EPM2A: variants seen among roughly 807,000 people sequenced by gnomAD.
The protein encoded by EPM2A is laforin.
EPM2A carries 21 observed loss-of-function variants against 26.5 expected under a neutral mutation model. The ratio of observed to expected loss-of-function variants is 0.79; its 90% CI spans 0.56 to 1.14. The LOEUF (loss-of-function observed/expected upper bound fraction) is 1.14, where lower values mean the gene tolerates loss of function less well. Among genes scored for constraint, EPM2A ranks in the 50% most tolerant of loss-of-function variants. EPM2A has a pLI of 0.00. For synonymous variants in EPM2A, 217 were observed against 177.6 expected (o/e 1.22, Z -1.76); for missense variants, 458 against 440.8 (o/e 1.04, Z -0.35).
intron 4 of EPM2A, among the ~76,000 whole-genome samples, chr6:145,438,098 C>T (rs1325867545): frequency 2.0e-5 from 3 of 151,860 alleles, no homozygotes; most frequent in South Asian, 2.1e-4. Context: ...TGTGTGCACA[C>T]GTGTGTGTGT....
intron 1 of EPM2A, among the ~76,000 whole-genome samples, chr6:145,694,520 C>T (rs925812521): frequency 6.6e-6 from 1 of 151,886 alleles, no homozygotes. Flanking sequence ...GTCTTAGATA[C>T]AGCTAAACTG....
At chr6:145,565,016 A>G (rs1341792484) in intron 2 of EPM2A, among the ~76,000 whole-genome samples, 1 of 152,156 alleles carries the variant, frequency 6.6e-6, no homozygotes, top group African/African-American at 2.4e-5. Flanking sequence ...TAAAGACAGC[A>G]TTAGAGCACC....
chr6:145,680,972 C>G (rs1236783818), intron 2 of EPM2A, among the ~76,000 whole-genome samples: 1 of 151,580 alleles, frequency 6.6e-6, no homozygotes, highest in South Asian at 2.1e-4. Context: ...GCCACACTGA[C>G]TTCCACAAGG....
At chr6:145,448,870 CTTA>C (rs1779157265) in intron 4 of EPM2A, among the ~76,000 whole-genome samples, 1 of 150,764 alleles carries the variant, frequency 6.6e-6, no homozygotes, top group Admixed American at 6.7e-5. Context: ...AAAACATTCT[CTTA>C]GTTGTTTAAC....
At chr6:145,641,307 A>G (rs1777068783) in intron 2 of EPM2A, 1 of 152,190 alleles carries the variant, frequency 6.6e-6, no homozygotes, top group Admixed American at 6.5e-5. Flanking sequence ...CACTGACCCA[A>G]AATGACTAGT....
chr6:145,397,018 A>G lies in EPM2A; in HGVS notation c.556-12921T>C, dbSNP rs1433166515. On this transcript the variant is annotated intron_variant, in intron 4 of 4. Coordinates refer to the EPM2A transcript ENST00000638717. ...GCTAGTTGAGCAGACTGATGAAATCATTAAAAACCATCTGGCAAAAATCAC... is the reference window on the plus strand; with the variant it reads ...GCTAGTTGAGCAGACTGATGAAATCGTTAAAAACCATCTGGCAAAAATCAC... 3.9e-5 allele frequency among the ~76,000 whole-genome samples: 6 copies of G among 152,328 alleles called. No individual in the cohort carries two copies. In the South Asian group the frequency reaches 1.2e-3, roughly 32 times the overall value.
chr6:145,648,412 C>T lies in EPM2A; in HGVS notation c.477-12926G>A, dbSNP rs1347429961. Among the ~76,000 whole-genome samples, 4 of 152,194 alleles carry T rather than the reference C, an allele frequency of 2.6e-5. No individual in the cohort carries two copies. In the East Asian group the frequency reaches 5.8e-4, roughly 22 times the overall value. ...TATTACAGCCACCCATACAATTCAT[C>T]TGCAATAAAGTTTCATTCATGCTTG... On this transcript the variant is annotated intron_variant, in intron 2 of 3. Transcript: ENST00000367519.
At chr6:145,476,186 C>T (rs1010113429) in intron 4 of EPM2A, among the ~76,000 whole-genome samples, 1 of 151,992 alleles carries the variant, frequency 6.6e-6, no homozygotes, top group African/African-American at 2.4e-5. Flanking sequence ...GTAGACAAAG[C>T]AGTTGACTAC....
chr6:145,401,463 G>C (rs1291546049), intron 4 of EPM2A, among the ~76,000 whole-genome samples: 1 of 152,068 alleles, frequency 6.6e-6, no homozygotes, highest in African/African-American at 2.4e-5. Flanking sequence ...TGCTCAGAAT[G>C]TATTTGAATT....
At chr6:145,476,062 T>C (rs1293696332) in intron 4 of EPM2A, among the ~76,000 whole-genome samples, 3 of 151,622 alleles carry the variant, frequency 2.0e-5, no homozygotes, top group Non-Finnish European at 4.4e-5. Context: ...AGACTGAAAA[T>C]AAAGGGATGG....
chr6:145,703,842 T>C (rs1380841773), intron 1 of EPM2A, among the ~76,000 whole-genome samples: 1 of 152,254 alleles, frequency 6.6e-6, no homozygotes, highest in Non-Finnish European at 1.5e-5. Flanking sequence ...TTAACTGATA[T>C]GAAACCATGA....
chr6:145,434,870 C>T (rs1333047668), intron 4 of EPM2A, among the ~76,000 whole-genome samples: 1 of 152,076 alleles, frequency 6.6e-6, no homozygotes. Context: ...GGAGGTGGGG[C>T]CTGGTGGGAG....
chr6:145,573,914 C>A (rs918747961), intron 2 of EPM2A, among the ~76,000 whole-genome samples: 2 of 152,160 alleles, frequency 1.3e-5, no homozygotes, highest in East Asian at 1.9e-4. Flanking sequence ...TGTTTTGGAT[C>A]CCCTGGAATC....
At chr6:145,417,004 G>A (rs1035640090) in intron 4 of EPM2A, among the ~76,000 whole-genome samples, 1 of 152,146 alleles carries the variant, frequency 6.6e-6, no homozygotes, top group Non-Finnish European at 1.5e-5. Flanking sequence ...TTGAGGAATT[G>A]AATCTCTTCC....
Position 145,549,321 on chromosome 6 carries a change from T to C in EPM2A, c.341-46746A>G, listed in dbSNP as rs184703588. Among the ~76,000 whole-genome samples, 293 of 152,290 alleles carry C rather than the reference T, an allele frequency of 1.9e-3. 1 individual carries two copies. Among genetic ancestry groups the C allele is most frequent in the African/African-American group, 6.1e-3 (254 of 41,584 alleles). On this transcript the variant is annotated intron_variant, in intron 2 of 3. Transcript: ENST00000450221. Reference sequence around the variant, plus strand: ...TTGAAATTTATAAGCCTACTTATCATTGTTAAAAAGTATAAAGCAATATAA... The same window carrying C: ...TTGAAATTTATAAGCCTACTTATCACTGTTAAAAAGTATAAAGCAATATAA...
At chr6:145,574,469 C>A (rs1435765368) in intron 2 of EPM2A, among the ~76,000 whole-genome samples, 1 of 152,234 alleles carries the variant, frequency 6.6e-6, no homozygotes, top group African/African-American at 2.4e-5. Context: ...AGTTGAGTGA[C>A]TGTGGTTCCC....
chr6:145,642,666 G>A (rs1777172187), intron 2 of EPM2A, among the ~76,000 whole-genome samples: 2 of 152,164 alleles, frequency 1.3e-5, no homozygotes, highest in Non-Finnish European at 2.9e-5. Flanking sequence ...AGATAAGACA[G>A]GAAGGTGCTC....
intron 2 of EPM2A, among the ~76,000 whole-genome samples, chr6:145,643,693 A>T (rs963623247): frequency 3.3e-5 from 5 of 152,312 alleles, no homozygotes; most frequent in Non-Finnish European, 7.3e-5. Flanking sequence ...AAAACAAGAC[A>T]GTTGGAAAAT....
chr6:145,489,926 C>T lies in EPM2A; in HGVS notation c.555+12596G>A, dbSNP rs1779732757. 3.7e-6 allele frequency: 5 copies of T among 1,358,372 alleles called. No individual in the cohort carries two copies. The Admixed American group carries it at 6.9e-5, about 19-fold the overall frequency. 84.1% of individuals were successfully genotyped at this position (1,358,372 alleles called of 1,614,324 possible). The stretch of plus-strand genomic sequence containing the variant: ...TCTTCAGTCTGAATTCGACCCACTT[C>T]TAGATAACTTATTTGGACCTGCTCT... On this transcript the variant is annotated intron_variant, in intron 4 of 4. Coordinates refer to the EPM2A transcript ENST00000638717.
Sources: allele counts gnomAD v4.1 joint callset (sites outside exome capture counted in the v4.1 genomes callset), GRCh38; gene constraint gnomAD v4.1.1; transcripts MANE v1.5; gene names NCBI Gene and HGNC (gene_info 2026-07-23, HGNC 2026-07-21).